AKR1C2: variants seen among roughly 807,000 people sequenced by gnomAD.
AKR1C2 encodes 3-alpha-HSD3.
AKR1C2 carries 27 observed loss-of-function variants against 39.8 expected under a neutral mutation model. The observed-to-expected ratio is 0.68, with a 90% CI of 0.50 to 0.93. The LOEUF is 0.93. Among genes scored for constraint, AKR1C2 ranks in the 40% least tolerant of loss-of-function variants. The probability of loss-of-function intolerance (pLI) is 0.00; values close to 1 mark genes in which losing one functional copy is unlikely to be tolerated. For missense variants in AKR1C2, 263 were observed against 365.1 expected, an observed-to-expected ratio of 0.72 and a Z score of 2.28; for synonymous variants, 114 against 137.9, an observed-to-expected ratio of 0.83 and a Z score of 1.22.
intron 7 of AKR1C2, among the ~76,000 whole-genome samples, chr10:4,994,509 G>A (rs538557005): frequency 0.012 from 1,875 of 152,248 alleles, 33 homozygotes; most frequent in African/African-American, 0.043. Context: ...AATGGTTGGT[G>A]TCTCTGAGCC....
chr10:5,003,753 T>C lies in AKR1C2; in HGVS notation c.83A>G (p.Glu28Gly). 1.2e-6 allele frequency: 2 copies of C among 1,613,426 alleles called. No homozygotes were observed. The highest frequency in any genetic ancestry group is 1.7e-6 in the Non-Finnish European group (2 of 1,179,494). The part of the protein sequence containing the change: ...VLGFGTYAPA[E>G]VPKSKALEAV... ...CAACACTAAAAATATTATTGTTACC[T>C]CTGCAGGCGCATAGGTGCCAAATCC... The change falls in exon 1 of 9, where the codon GAG (glutamate) becomes GGG (glycine). Residue 28 changes from glutamate to glycine, a missense_variant and splice_region_variant. By Grantham distance (98) the Glu-to-Gly change is moderately conservative. Coordinates refer to ENST00000380753, the MANE Select transcript of AKR1C2 (RefSeq NM_001393392.1).
intron 1 of AKR1C2, among the ~76,000 whole-genome samples, chr10:5,009,306 G>A (rs1272169748): frequency 2.6e-5 from 4 of 151,952 alleles, no homozygotes; most frequent in Non-Finnish European, 2.9e-5. Context: ...CAATTGCACC[G>A]AGCACTTTTT....
In AKR1C2 at chr10:5,003,369, C is replaced by T. The variant is rs377718810; in HGVS notation, c.84+383G>A. 2.7e-3 allele frequency among the ~76,000 whole-genome samples: 411 copies of T among 151,770 alleles called. 2 individuals carry two copies. The highest frequency in any genetic ancestry group is 0.014 in the Middle Eastern group (4 of 294). ...TGATACTCTCCCAACAGATTTCATC[C>T]ACCCCGTCTCCACTAACTTTTGCCA... On this transcript the variant is annotated intron_variant, in intron 1 of 8. Coordinates refer to ENST00000380753, the MANE Select transcript of AKR1C2 (RefSeq NM_001393392.1).
intron 1 of AKR1C2, among the ~76,000 whole-genome samples, chr10:5,015,601 G>A (rs1481948910): frequency 6.6e-6 from 1 of 152,128 alleles, no homozygotes; most frequent in African/African-American, 2.4e-5. Flanking sequence ...TTCACTGAGG[G>A]AGCAATTCCA....
intron 1 of AKR1C2, among the ~76,000 whole-genome samples, chr10:5,003,429 A>C (rs1837330591): frequency 6.6e-6 from 1 of 151,660 alleles, no homozygotes; most frequent in South Asian, 2.1e-4. Flanking sequence ...TCTTGGAAGA[A>C]GTAAATATCT....
At chr10:5,013,204 A>G (rs1392877032) in intron 1 of AKR1C2, 2 of 152,232 alleles carry the variant, frequency 1.3e-5, no homozygotes, top group African/African-American at 4.8e-5. Context: ...AAAAGTTAAA[A>G]ATATTGAAAA....
chr10:4,990,603 A>G (rs1417201348), intron 8 of AKR1C2, among the ~76,000 whole-genome samples: 4 of 152,226 alleles, frequency 2.6e-5, no homozygotes, highest in Admixed American at 2.6e-4. Context: ...GCTACAATGC[A>G]TAAACCATTT....
At chr10:4,990,395 C>T (rs1166122964) in intron 8 of AKR1C2, among the ~76,000 whole-genome samples, 5 of 152,130 alleles carry the variant, frequency 3.3e-5, no homozygotes, top group African/African-American at 9.7e-5. Flanking sequence ...ACTCCTTCTG[C>T]CTTACATTGA....
At chr10:5,015,302 A>G (rs192156100) in intron 1 of AKR1C2, 10 of 152,262 alleles carry the variant, frequency 6.6e-5, no homozygotes, top group Admixed American at 2.6e-4. Flanking sequence ...TCTTTTCTAC[A>G]TTTTTATAGA....
intron 1 of AKR1C2, among the ~76,000 whole-genome samples, chr10:5,014,671 G>C (rs1402568489): frequency 3.9e-5 from 6 of 152,182 alleles, no homozygotes; most frequent in Non-Finnish European, 7.3e-5. Context: ...TGGGTGCCTG[G>C]CTGTGCAGTC....
chr10:5,001,939 TCA>T (rs1241213627), intron 1 of AKR1C2, among the ~76,000 whole-genome samples: 2 of 152,232 alleles, frequency 1.3e-5, no homozygotes, highest in African/African-American at 4.8e-5. Flanking sequence ...AATTTCACTT[TCA>T]GTGATTTTTT....
intron 7 of AKR1C2, among the ~76,000 whole-genome samples, chr10:4,992,974 G>A (rs1836893438): frequency 6.6e-6 from 1 of 152,020 alleles, no homozygotes. Flanking sequence ...CAGTAATGGA[G>A]AAATTTATGC....
At chr10:5,010,435 C>G (rs1235144813) in intron 1 of AKR1C2, 1 of 152,106 alleles carries the variant, frequency 6.6e-6, no homozygotes, top group Non-Finnish European at 1.5e-5. Flanking sequence ...CTTTTCCTGA[C>G]TCTTCTTCCT....
Position 4,989,600 on chromosome 10 carries a change from T to C in AKR1C2, c.*396A>G, listed in dbSNP as rs1345827590. ...AGAGAGGCACTGACTGATAAATACCTGTCACCTGCCCCTTTCCCAGAGGGT... is the reference window on the plus strand; with the variant it reads ...AGAGAGGCACTGACTGATAAATACCCGTCACCTGCCCCTTTCCCAGAGGGT... On this transcript the variant is annotated 3_prime_UTR_variant, in exon 9 of 9. Transcript: ENST00000380753. 1 of 222,296 alleles carries C rather than the reference T, an allele frequency of 4.5e-6. No homozygotes were observed. Among genetic ancestry groups the C allele is most frequent in the Non-Finnish European group, 8.8e-6 (1 of 114,202 alleles). 13.8% of individuals were successfully genotyped at this position (222,296 alleles called of 1,614,324 possible). A position where few individuals can be genotyped will look rare whatever the true frequency, so the allele number is the denominator to read the frequency against.
upstream of AKR1C2, chr10:5,006,326 G>A (rs1385047149): frequency 6.6e-6 from 1 of 152,182 alleles, no homozygotes; most frequent in Non-Finnish European, 1.5e-5. Flanking sequence ...CTAAAAGCCA[G>A]ACAAAGAGAT....
chr10:4,990,720 C>T (rs782277654), intron 8 of AKR1C2, among the ~76,000 whole-genome samples: 25 of 151,842 alleles, frequency 1.6e-4, no homozygotes, highest in Non-Finnish European at 3.2e-4. Context: ...GTGATTACAC[C>T]GAGAGCAAAC....
chr10:5,017,469 G>A (rs1396076894), intron 1 of AKR1C2, among the ~76,000 whole-genome samples: 2 of 152,128 alleles, frequency 1.3e-5, no homozygotes. Context: ...GTAGGAACAC[G>A]ATGATGCCAA....
upstream of AKR1C2, among the ~76,000 whole-genome samples, chr10:5,007,826 T>C (rs180838963): frequency 0.01 from 1,576 of 151,968 alleles, 49 homozygotes; most frequent in Admixed American, 0.035. Context: ...AATGGTTTTA[T>C]AGGCAGTGGT....
At position 4,998,162 on chromosome 10, in the gene AKR1C2, C is replaced by A. The variant is rs547561495; in HGVS notation, c.570+463G>T. Among the ~76,000 whole-genome samples the A allele has an allele frequency of 1.8e-3, 277 of 150,262 alleles. 2 individuals are homozygous for A. The highest frequency in any genetic ancestry group is 6.4e-3 in the African/African-American group (264 of 41,074). Reference sequence around the variant, plus strand: ...TCAAGAAGTGTGAAAGCAGAGATATCAAGAGACACTGAGACATCCGAAGCC... The same window carrying A: ...TCAAGAAGTGTGAAAGCAGAGATATAAAGAGACACTGAGACATCCGAAGCC... On this transcript the variant is annotated intron_variant, in intron 5 of 8. Coordinates refer to ENST00000380753, the MANE Select transcript of AKR1C2 (RefSeq NM_001393392.1).
Sources: gnomAD v4.1 joint callset for allele counts (sites outside exome capture counted in the v4.1 genomes callset) on GRCh38, gnomAD v4.1.1 for gene constraint, MANE v1.5 for transcripts, NCBI Gene and HGNC (gene_info 2026-07-23, HGNC 2026-07-21) for gene names.